WDR41: variants seen among roughly 807,000 people sequenced by gnomAD.
WDR41 encodes the protein WD repeat domain 41.
In WDR41, 63 loss-of-function variants were observed where a neutral mutation model predicts 69.3. The ratio of observed to expected loss-of-function variants is 0.91; its 90% CI spans 0.74 to 1.12. WDR41 has a LOEUF of 1.12. WDR41 is among the 50% of genes most tolerant of loss of function. The pLI is 0.00. For synonymous variants in WDR41, 185 were observed against 192.1 expected (o/e 0.96, Z 0.31); for missense variants, 543 against 534.5 (o/e 1.02, Z -0.16).
intron 1 of WDR41, among the ~76,000 whole-genome samples, chr5:77,505,130 C>T (rs1039423812): frequency 3.3e-5 from 5 of 152,274 alleles, no homozygotes; most frequent in South Asian, 4.1e-4. Context: ...AAAACCCCAT[C>T]GTCTCCACCC....
intron 6 of WDR41, among the ~76,000 whole-genome samples, chr5:77,453,055 A>G (rs1360743642): frequency 6.6e-6 from 1 of 152,224 alleles, no homozygotes; most frequent in East Asian, 1.9e-4. Flanking sequence ...CTAGCAATGT[A>G]TGGATTTAGT....
intron 1 of WDR41, among the ~76,000 whole-genome samples, chr5:77,517,991 T>C (rs1253770569): frequency 6.6e-6 from 1 of 152,110 alleles, no homozygotes; most frequent in Non-Finnish European, 1.5e-5. Context: ...CATTAGGCAT[T>C]CAGTAAAGAC....
chr5:77,566,256 C>T (rs745985320), intron 1 of WDR41, among the ~76,000 whole-genome samples: 28 of 152,132 alleles, frequency 1.8e-4, no homozygotes, highest in Non-Finnish European at 3.4e-4. Context: ...CCATCTAACT[C>T]ATCTGCCTAG....
intron 8 of WDR41, among the ~76,000 whole-genome samples, chr5:77,443,587 T>C (rs1799259233): frequency 6.6e-6 from 1 of 152,172 alleles, no homozygotes; most frequent in Non-Finnish European, 1.5e-5. Context: ...GTGGGAAAGT[T>C]AAGGCAGTAC....
At chr5:77,607,220 G>T (rs969604354) in intron 1 of WDR41, among the ~76,000 whole-genome samples, 1 of 152,134 alleles carries the variant, frequency 6.6e-6, no homozygotes, top group South Asian at 2.1e-4. Flanking sequence ...TGAAGGTAAG[G>T]CTATCAACAC....
At chr5:77,446,198 C>T (rs538818968) in intron 8 of WDR41, among the ~76,000 whole-genome samples, 1 of 152,100 alleles carries the variant, frequency 6.6e-6, no homozygotes, top group African/African-American at 2.4e-5. Flanking sequence ...GAATAAAGTA[C>T]CTAGGAATAC....
At chr5:77,524,279 C>T (rs1331180817) in intron 1 of WDR41, among the ~76,000 whole-genome samples, 1 of 152,060 alleles carries the variant, frequency 6.6e-6, no homozygotes, top group African/African-American at 2.4e-5. Context: ...GCATTTTCTA[C>T]CAAAGTACTA....
At chr5:77,583,641 C>T (rs1364913275) in intron 1 of WDR41, among the ~76,000 whole-genome samples, 5 of 152,056 alleles carry the variant, frequency 3.3e-5, no homozygotes, top group Non-Finnish European at 7.3e-5. Context: ...AAACTACCAA[C>T]AGTGAAACTC....
Position 77,436,334 on chromosome 5 carries a change from T to A in WDR41, c.1154A>T (p.Lys385Met). 6.2e-7 allele frequency: 1 copy of A among 1,614,146 alleles called. No homozygotes were observed. The highest frequency in any genetic ancestry group is 1.7e-5 in the Admixed American group (1 of 60,022). Residue 385 changes from lysine (K) to methionine (M), a missense_variant, in exon 12 of 13, where the codon AAG (lysine) becomes ATG (methionine). Physicochemically the swap from Lys to Met is moderately conservative, Grantham distance 95. Coordinates refer to ENST00000296679, the MANE Select transcript of WDR41 (RefSeq NM_018268.4). ...ACATGAAGTAGCATTTTCTTGCTGC[T>A]TTTTAACAGGTTGGCTGGCTTGTTT... is the stretch of plus-strand genomic sequence containing the variant. ...VSKQASQPVK[K>M]QQENATSCSL...
chr5:77,583,580 C>A (rs34042520), intron 1 of WDR41, among the ~76,000 whole-genome samples: 2 of 151,530 alleles, frequency 1.3e-5, no homozygotes, highest in South Asian at 4.2e-4. Context: ...ATATAGGTAC[C>A]CCATAAATAT....
intron 1 of WDR41, among the ~76,000 whole-genome samples, chr5:77,537,167 C>T (rs555630355): frequency 6.6e-6 from 1 of 152,358 alleles, no homozygotes; most frequent in Non-Finnish European, 1.5e-5. Flanking sequence ...CTTTTTCCCT[C>T]CTATCTTTCT....
Position 77,472,825 on chromosome 5 carries a change from C to T in WDR41, c.168-8016G>A, listed in dbSNP as rs551578286. ...GCTCATGGGTAGGAAGAATCAATAT[C>T]GTGAAAATGGCCATACTGCCCAAGG... On this transcript the variant is annotated intron_variant, in intron 2 of 12. Coordinates refer to ENST00000296679, the MANE Select transcript of WDR41 (RefSeq NM_018268.4). Among the ~76,000 whole-genome samples the T allele has an allele frequency of 2.2e-3, 329 of 151,914 alleles. 1 individual carries two copies. The highest frequency in any genetic ancestry group is 7.6e-3 in the African/African-American group (314 of 41,426).
chr5:77,492,255 C>G lies in WDR41; in HGVS notation c.-35G>C. 6.2e-7 allele frequency: 1 copy of G among 1,610,598 alleles called. No individual in the cohort carries two copies. Among genetic ancestry groups the G allele is most frequent in the Non-Finnish European group, 8.5e-7 (1 of 1,178,920 alleles). Reference sequence around the variant, plus strand: ...GGCGGCGTCTTGCCCGGTCCAGCCCCAGTCAGCCCAAACTCCGCCCCAGGC... The same window carrying G: ...GGCGGCGTCTTGCCCGGTCCAGCCCGAGTCAGCCCAAACTCCGCCCCAGGC... On this transcript the variant is annotated 5_prime_UTR_variant, in exon 1 of 13. Coordinates refer to ENST00000296679, the MANE Select transcript of WDR41 (RefSeq NM_018268.4).
intron 8 of WDR41, among the ~76,000 whole-genome samples, chr5:77,444,755 G>A (rs1168049563): frequency 6.6e-6 from 1 of 152,238 alleles, no homozygotes; most frequent in Non-Finnish European, 1.5e-5. Flanking sequence ...ACGTGCCTAT[G>A]TACTGCAAGA....
intron 8 of WDR41, among the ~76,000 whole-genome samples, chr5:77,447,750 C>T (rs1799442813): frequency 6.6e-6 from 1 of 152,134 alleles, no homozygotes; most frequent in Non-Finnish European, 1.5e-5. Flanking sequence ...GGGAACAACA[C>T]ACACCAGCAC....
At chr5:77,530,354 T>C (rs1802509830) in intron 1 of WDR41, among the ~76,000 whole-genome samples, 1 of 151,658 alleles carries the variant, frequency 6.6e-6, no homozygotes, top group Non-Finnish European at 1.5e-5. Flanking sequence ...ATAAGAGCCC[T>C]GGACTGGAAA....
Position 77,438,283 on chromosome 5 carries a change from C to G in WDR41, c.961G>C (p.Ala321Pro), listed in dbSNP as rs145232909. 1.2e-6 allele frequency: 2 copies of G among 1,614,054 alleles called. No homozygotes were observed. The highest frequency in any genetic ancestry group is 1.7e-6 in the Non-Finnish European group (2 of 1,179,922). ...MKRVIACQKT[A>P]HDSNVLHVAR... is the part of the protein sequence containing the mutation. ...ACGTGCAGGACATTGGAGTCATGTGCAGTTTTCTGGCAGGCAATCACACGC... is the reference window on the plus strand; with the variant it reads ...ACGTGCAGGACATTGGAGTCATGTGGAGTTTTCTGGCAGGCAATCACACGC... The change falls in exon 10 of 13, where the codon GCA becomes CCA. Residue 321 changes from alanine (A) to proline (P), a missense_variant. Physicochemically the swap from Ala to Pro is conservative, Grantham distance 27. Transcript: ENST00000296679.
At chr5:77,599,197 C>CTTT (rs34759217) in intron 1 of WDR41, among the ~76,000 whole-genome samples, 2,087 of 76,252 alleles carry the variant, frequency 0.027, 11 homozygotes, top group Non-Finnish European at 0.035. Flanking sequence ...ATCGGAAGCT[C>CTTT]TTTTTTTTTT....
intron 2 of WDR41, among the ~76,000 whole-genome samples, chr5:77,482,153 T>G (rs1449293759): frequency 6.6e-6 from 1 of 152,176 alleles, no homozygotes; most frequent in African/African-American, 2.4e-5. Flanking sequence ...AATTATCAAT[T>G]TATGGCCACT....
Sources: gnomAD v4.1 joint callset for allele counts (sites outside exome capture counted in the v4.1 genomes callset) on GRCh38, gnomAD v4.1.1 for gene constraint, MANE v1.5 for transcripts, NCBI Gene and HGNC (gene_info 2026-07-23, HGNC 2026-07-21) for gene names.